Variants in THSD4 observed in about 807,000 individuals in gnomAD.
THSD4 encodes the protein thrombospondin type 1 domain containing 4, also known as thrombospondin type-1 domain-containing protein 4.
THSD4 carries 69 observed loss-of-function variants against 119.0 expected under a neutral mutation model. That is an observed-to-expected ratio of 0.58 (90% CI 0.48 to 0.71). The LOEUF (loss-of-function observed/expected upper bound fraction) is 0.71, where lower values mean the gene tolerates loss of function less well. Ranked by LOEUF, THSD4 falls within the 30% of genes least tolerant of loss-of-function variation. The pLI, the probability that THSD4 is intolerant of heterozygous loss-of-function variation, is 0.00. For synonymous variants in THSD4, 524 were observed against 540.4 expected, an observed-to-expected ratio of 0.97 and a Z score of 0.42; for missense variants, 1,393 against 1,391.1, an observed-to-expected ratio of 1.00 and a Z score of -0.02.
chr15:71,763,800 C>T (rs2053666727), intron 15 of THSD4, among the ~76,000 whole-genome samples: 2 of 152,074 alleles, frequency 1.3e-5, no homozygotes, highest in African/African-American at 4.8e-5. Flanking sequence ...CATGGTGGCT[C>T]ATGCCTGTAA....
chr15:71,369,898 T>A lies in THSD4; in HGVS notation c.1016-41789T>A, dbSNP rs373073149. Reference sequence around the variant, plus strand: ...ACCTCTGGTAGAATTCGGCTGTGAATCCGTCTGGTCCTGGAGTTTTTTTTG... The same window carrying A: ...ACCTCTGGTAGAATTCGGCTGTGAAACCGTCTGGTCCTGGAGTTTTTTTTG... On this transcript the variant is annotated intron_variant, in intron 6 of 17. Coordinates refer to ENST00000261862, the MANE Select transcript of THSD4 (RefSeq NM_024817.3). 1.2e-4 allele frequency among the ~76,000 whole-genome samples: 19 copies of A among 152,212 alleles called. 1 individual carries two copies. Among genetic ancestry groups the A allele is most frequent in the Admixed American group, 1.1e-3 (17 of 15,286 alleles).
chr15:71,132,620 TAATA>T (rs771453492), intron 1 of THSD4, among the ~76,000 whole-genome samples: 1 of 152,200 alleles, frequency 6.6e-6, no homozygotes, highest in Non-Finnish European at 1.5e-5. Flanking sequence ...AAACTTTCCT[TAATA>T]AATAGATTTC....
At chr15:71,683,737 G>T (rs1414801543) in intron 8 of THSD4, among the ~76,000 whole-genome samples, 1 of 152,180 alleles carries the variant, frequency 6.6e-6, no homozygotes, top group Non-Finnish European at 1.5e-5. Flanking sequence ...CACTTTGGGA[G>T]GCCGAGCCGA....
In THSD4 at chr15:71,781,305, GA is replaced by G. The variant is rs2053994711; in HGVS notation, c.*3936del. ...TAAAGTACTATATTTGGGCTAAAAT[GA>G]AAAACTAAATACAAGGTGGGAGAGA... On this transcript the variant is annotated 3_prime_UTR_variant, in exon 18 of 18. Coordinates refer to ENST00000261862, the MANE Select transcript of THSD4 (RefSeq NM_024817.3). The G allele has an allele frequency of 6.5e-6, 1 of 154,050 alleles. No individual in the cohort carries two copies. The highest frequency in any genetic ancestry group is 1.4e-5 in the Non-Finnish European group (1 of 69,204). The allele number at this position is 154,050 out of a possible 1,614,324, so 9.5% of individuals were successfully genotyped here. A position where few individuals can be genotyped will look rare whatever the true frequency, so the allele number is the denominator to read the frequency against.
chr15:71,408,476 T>G (rs1418751882), intron 6 of THSD4, among the ~76,000 whole-genome samples: 1 of 152,066 alleles, frequency 6.6e-6, no homozygotes, highest in Non-Finnish European at 1.5e-5. Context: ...CAAGCAATCC[T>G]CCTGCTTCAG....
chr15:71,774,156 T>C (rs1311067090), intron 17 of THSD4, among the ~76,000 whole-genome samples: 2 of 151,758 alleles, frequency 1.3e-5, no homozygotes, highest in African/African-American at 4.8e-5. Flanking sequence ...ACAAAAAATA[T>C]AAAAATTAGC....
At chr15:71,709,214 A>G (rs904190677) in intron 8 of THSD4, among the ~76,000 whole-genome samples, 1 of 152,224 alleles carries the variant, frequency 6.6e-6, no homozygotes, top group Non-Finnish European at 1.5e-5. Flanking sequence ...TACTCTGCGA[A>G]CTATAAAATG....
intron 7 of THSD4, among the ~76,000 whole-genome samples, chr15:71,412,533 A>G (rs1267256613): frequency 2.6e-5 from 4 of 152,164 alleles, no homozygotes; most frequent in Non-Finnish European, 4.4e-5. Context: ...TCATGGAGCT[A>G]AGATTTAGCA....
chr15:71,285,315 A>G (rs2044701765), intron 6 of THSD4, among the ~76,000 whole-genome samples: 1 of 152,126 alleles, frequency 6.6e-6, no homozygotes, highest in Admixed American at 6.5e-5. Flanking sequence ...CTATTCCTTC[A>G]CTTGTGTCTG....
chr15:71,260,690 T>A (rs1340963391), intron 6 of THSD4, among the ~76,000 whole-genome samples: 1 of 152,202 alleles, frequency 6.6e-6, no homozygotes, highest in Non-Finnish European at 1.5e-5. Context: ...AGGTTCTGTT[T>A]ACTTCTGTCT....
At chr15:71,585,645 TC>T (rs1404387303) in intron 7 of THSD4, among the ~76,000 whole-genome samples, 16 of 152,226 alleles carry the variant, frequency 1.1e-4, no homozygotes, top group Non-Finnish European at 1.8e-4. Flanking sequence ...AAGTTTCTTG[TC>T]ATTATTTCTC....
chr15:71,119,845 G>T (rs1465035424), intron 1 of THSD4, among the ~76,000 whole-genome samples: 1 of 152,176 alleles, frequency 6.6e-6, no homozygotes, highest in Non-Finnish European at 1.5e-5. Context: ...CATTCAACTG[G>T]CCTTGCTCCA....
chr15:71,746,707 CA>C (rs2053344478), intron 12 of THSD4, 130 bp from the exon 13 acceptor site: 1 of 1,032,706 alleles, frequency 9.7e-7, no homozygotes, highest in African/African-American at 1.6e-5. Context: ...GGCTGACTTT[CA>C]AGCAATGCTC....
At chr15:71,579,664 T>G (rs1209428233) in intron 7 of THSD4, among the ~76,000 whole-genome samples, 2 of 152,200 alleles carry the variant, frequency 1.3e-5, no homozygotes, top group African/African-American at 4.8e-5. Flanking sequence ...TCAAATTGGG[T>G]CATGTATCTC....
chr15:71,156,422 T>A (rs1596229916), intron 3 of THSD4, among the ~76,000 whole-genome samples: 2 of 152,170 alleles, frequency 1.3e-5, no homozygotes, highest in East Asian at 1.9e-4. Flanking sequence ...CACACCCAGC[T>A]GATTTTTTTT....
At chr15:71,444,121 C>T (rs551416860) in intron 7 of THSD4, among the ~76,000 whole-genome samples, 47 of 152,306 alleles carry the variant, frequency 3.1e-4, no homozygotes, top group Non-Finnish European at 5.9e-4. Context: ...CCTGTTAAAA[C>T]GGTGCAAGTG....
intron 4 of THSD4, among the ~76,000 whole-genome samples, chr15:71,242,445 A>G (rs959249679): frequency 2.0e-4 from 31 of 151,950 alleles, no homozygotes; most frequent in Admixed American, 7.2e-4. Context: ...CTTTCATTCT[A>G]CTTTCCAACT....
chr15:71,421,961 A>G (rs2046814947), intron 7 of THSD4, among the ~76,000 whole-genome samples: 1 of 152,058 alleles, frequency 6.6e-6, no homozygotes, highest in Non-Finnish European at 1.5e-5. Context: ...AGAGACTCTG[A>G]TGTATTCTTC....
chr15:71,378,794 A>AT (rs1255859087), intron 6 of THSD4, among the ~76,000 whole-genome samples: 1 of 151,818 alleles, frequency 6.6e-6, no homozygotes, highest in Non-Finnish European at 1.5e-5. Flanking sequence ...GTTTTTTGTT[A>AT]TTTTTTTGAG....
Sources: gnomAD v4.1 joint callset for allele counts (sites outside exome capture counted in the v4.1 genomes callset) on GRCh38, gnomAD v4.1.1 for gene constraint, MANE v1.5 for transcripts, NCBI Gene and HGNC (gene_info 2026-07-23, HGNC 2026-07-21) for gene names.